Variants in THRAP3 observed in about 807,000 individuals in gnomAD.
THRAP3 encodes thyroid hormone receptor associated protein 3.
A neutral mutation model predicts 101.0 loss-of-function variants in THRAP3; 16 were observed. The observed-to-expected ratio is 0.16, with a 90% CI of 0.11 to 0.24. The LOEUF (loss-of-function observed/expected upper bound fraction) is 0.24, where lower values mean the gene tolerates loss of function less well. Ranked by LOEUF, THRAP3 falls within the 10% of genes least tolerant of loss-of-function variation. The pLI is 1.00. For synonymous variants in THRAP3, 407 were observed against 422.6 expected (o/e 0.96, Z 0.45); for missense variants, 989 against 1,202.7 (o/e 0.82, Z 2.63).
At chr1:36,254,842 C>G (rs1570272423) in intron 1 of THRAP3, among the ~76,000 whole-genome samples, 1 of 152,146 alleles carries the variant, frequency 6.6e-6, no homozygotes, top group Admixed American at 6.5e-5. Context: ...GGTACAAAAC[C>G]AGACAATGGG....
chr1:36,268,146 T>G (rs986576483), intron 2 of THRAP3, among the ~76,000 whole-genome samples: 5 of 151,742 alleles, frequency 3.3e-5, no homozygotes, highest in Non-Finnish European at 5.9e-5. Context: ...TGTGCCACTG[T>G]ACTCCAGCCT....
chr1:36,303,698 G>C, intron 11 of THRAP3, 98 bp from the exon 12 acceptor site: 1 of 1,564,578 alleles, frequency 6.4e-7, no homozygotes, highest in African/African-American at 1.4e-5. Flanking sequence ...TAGGGCACAG[G>C]TTCTTTTGGG....
At chr1:36,214,292 T>A in the THRAP3 span, among the ~76,000 whole-genome samples, 5 of 152,222 alleles carry the variant, frequency 3.3e-5, no homozygotes, top group Non-Finnish European at 5.9e-5. Flanking sequence ...AGGGAGGTAG[T>A]ACCTAGCTGC....
intron 2 of THRAP3, among the ~76,000 whole-genome samples, chr1:36,272,446 C>A (rs987292457): frequency 6.6e-6 from 1 of 152,162 alleles, no homozygotes; most frequent in Non-Finnish European, 1.5e-5. Flanking sequence ...CAGAGTGTTA[C>A]TCTAGAGATA....
intron 2 of THRAP3, among the ~76,000 whole-genome samples, chr1:36,266,469 T>C (rs758497100): frequency 2.6e-5 from 4 of 152,198 alleles, no homozygotes; most frequent in Non-Finnish European, 4.4e-5. Context: ...TCTCCACCTC[T>C]CTAAGTTACT....
the THRAP3 span, among the ~76,000 whole-genome samples, chr1:36,215,439 C>T: frequency 5.9e-5 from 9 of 152,206 alleles, no homozygotes; most frequent in East Asian, 1.2e-3. Flanking sequence ...GCGCTTTTCC[C>T]TGTGTTTTTC....
intron 2 of THRAP3, among the ~76,000 whole-genome samples, chr1:36,273,338 GACA>G (rs1286572756): frequency 6.6e-6 from 1 of 152,184 alleles, no homozygotes; most frequent in Non-Finnish European, 1.5e-5. Context: ...ATTCTTTTAA[GACA>G]AGAAAATCTC....
chr1:36,295,558 T>TTCCTTCCTTCCC (rs1417150021), intron 8 of THRAP3, among the ~76,000 whole-genome samples: 1 of 142,974 alleles, frequency 7.0e-6, no homozygotes, highest in African/African-American at 3.0e-5. Context: ...CCTTCCTTCC[T>TTCCTTCCTTCCC]TCCTTCCTTC....
At chr1:36,243,067 A>C (rs921182665) in intron 1 of THRAP3, among the ~76,000 whole-genome samples, 1 of 152,004 alleles carries the variant, frequency 6.6e-6, no homozygotes, top group African/African-American at 2.4e-5. Flanking sequence ...ATCTCTAAAA[A>C]CAAAAATAGA....
Position 36,300,997 on chromosome 1 carries a change from C to T in THRAP3, c.2415C>T (p.Ser805=). 1 of 1,614,176 alleles carries T rather than the reference C, an allele frequency of 6.2e-7. No individual in the cohort carries two copies. Among genetic ancestry groups the T allele is most frequent in the Non-Finnish European group, 8.5e-7 (1 of 1,180,030 alleles). ...YTEETEEREE[S]TTGFDKSRLG... is the part of the protein sequence containing the mutation. ...AAGAGACAGAGGAAAGAGAGGAGAG[C>T]ACCACGGGCTTTGACAAATCAAGAC... Residue 805 remains serine (S), a synonymous_variant, in exon 10 of 12, where the codon AGC becomes AGT. Coordinates refer to ENST00000354618, the MANE Select transcript of THRAP3 (RefSeq NM_005119.4).
chr1:36,295,890 G>T (rs1217274226), intron 8 of THRAP3, among the ~76,000 whole-genome samples: 1 of 148,480 alleles, frequency 6.7e-6, no homozygotes, highest in Admixed American at 6.8e-5. Flanking sequence ...TCTACTCTTA[G>T]TGGTGGCTAA....
intron 1 of THRAP3, 65 bp downstream of exon 1, chr1:36,224,570 C>CT: frequency 6.5e-6 from 1 of 152,724 alleles, no homozygotes; most frequent in Non-Finnish European, 1.5e-5. Flanking sequence ...CGTCTCTTAT[C>CT]TTTTTTCCCC....
At chr1:36,255,175 G>A (rs200785788) in intron 1 of THRAP3, among the ~76,000 whole-genome samples, 4 of 151,456 alleles carry the variant, frequency 2.6e-5, no homozygotes, top group African/African-American at 7.3e-5. Flanking sequence ...TCTTTTTTTC[G>A]CTTTTAATTG....
At chr1:36,212,419 T>TTA in the THRAP3 span, among the ~76,000 whole-genome samples, 2 of 97,282 alleles carry the variant, frequency 2.1e-5, no homozygotes, top group Non-Finnish European at 4.0e-5. Context: ...TCTTTCTTTC[T>TTA]TTTTTTTTTT....
chr1:36,289,451 C>T lies in THRAP3; in HGVS notation c.1432C>T (p.Pro478Ser), dbSNP rs200997715. The change falls in exon 5 of 12, where the codon CCT becomes TCT. Residue 478 changes from proline (P) to serine (S), a missense_variant. Transcript: ENST00000354618. Reference sequence around the variant, plus strand: ...CAAATGGGAGGGCCTGGTATATGCACCTCCAGGGAAGGAAAAGCAGAGAAA... The same window carrying T: ...CAAATGGGAGGGCCTGGTATATGCATCTCCAGGGAAGGAAAAGCAGAGAAA... ...SGKWEGLVYA[P>S]PGKEKQRKTE... 3 of 1,614,134 alleles carry T rather than the reference C, an allele frequency of 1.9e-6. No homozygotes were observed. Among genetic ancestry groups the T allele is most frequent in the Admixed American group, 1.7e-5 (1 of 60,018 alleles).
chr1:36,290,820 G>A (rs12408352), intron 5 of THRAP3, among the ~76,000 whole-genome samples: 1 of 152,176 alleles, frequency 6.6e-6, no homozygotes, highest in African/African-American at 2.4e-5. Context: ...CTGAACTTTA[G>A]GAAAGAGTTG....
At chr1:36,239,968 GTGTT>G (rs1368637205) in intron 1 of THRAP3, among the ~76,000 whole-genome samples, 5 of 152,038 alleles carry the variant, frequency 3.3e-5, no homozygotes, top group African/African-American at 1.2e-4. Flanking sequence ...ATATCCCTAT[GTGTT>G]TGTTTTTTAG....
intron 1 of THRAP3, among the ~76,000 whole-genome samples, chr1:36,239,602 C>T (rs1298182913): frequency 6.6e-6 from 1 of 152,136 alleles, no homozygotes; most frequent in Non-Finnish European, 1.5e-5. Context: ...CCTGTAAGGC[C>T]TTTGTTTCCC....
chr1:36,245,802 T>A (rs1645223867), intron 1 of THRAP3, among the ~76,000 whole-genome samples: 2 of 152,334 alleles, frequency 1.3e-5, no homozygotes, highest in South Asian at 4.1e-4. Flanking sequence ...ACAGTTATAT[T>A]TGCTTTTCCA....
Sources: gnomAD v4.1 joint callset for allele counts (sites outside exome capture counted in the v4.1 genomes callset) on GRCh38, gnomAD v4.1.1 for gene constraint, MANE v1.5 for transcripts, NCBI Gene and HGNC (gene_info 2026-07-23, HGNC 2026-07-21) for gene names.